The following GRID2 variants were observed in gnomAD, a reference collection of about 807,000 sequenced individuals.
GRID2 encodes glutamate ionotropic receptor delta type subunit 2, also known as glutamate receptor ionotropic, delta-2.
GRID2 carries 33 observed loss-of-function variants against 114.8 expected under a neutral mutation model. The observed-to-expected ratio is 0.29, with a 90% CI of 0.22 to 0.38. The LOEUF (loss-of-function observed/expected upper bound fraction) is 0.38, where lower values mean the gene tolerates loss of function less well. Ranked by LOEUF, GRID2 falls within the 10% of genes least tolerant of loss-of-function variation. The pLI is 1.00. For missense variants in GRID2, 1,184 were observed against 1,257.7 expected (o/e 0.94, Z 0.89); for synonymous variants, 505 against 449.9 (o/e 1.12, Z -1.55).
intron 2 of GRID2, among the ~76,000 whole-genome samples, chr4:92,960,378 A>G (rs898812250): frequency 2.0e-5 from 3 of 151,978 alleles, no homozygotes; most frequent in African/African-American, 7.2e-5. Flanking sequence ...TCCAAATATA[A>G]TAGCAGGTTT....
At chr4:92,608,417 C>G (rs530224441) in intron 2 of GRID2, among the ~76,000 whole-genome samples, 4 of 151,796 alleles carry the variant, frequency 2.6e-5, no homozygotes, top group Non-Finnish European at 5.9e-5. Flanking sequence ...GGTACAATGC[C>G]TCCACTGTGT....
At chr4:92,698,608 A>G (rs1734527838) in intron 2 of GRID2, among the ~76,000 whole-genome samples, 1 of 151,874 alleles carries the variant, frequency 6.6e-6, no homozygotes. Context: ...TTATTTTAGT[A>G]TTTCTGATAT....
intron 13 of GRID2, among the ~76,000 whole-genome samples, chr4:93,594,311 C>T (rs1482036780): frequency 2.0e-5 from 3 of 152,080 alleles, no homozygotes; most frequent in African/African-American, 4.8e-5. Context: ...GAGTACCCTG[C>T]AGTGTGAGGT....
At chr4:92,847,853 A>G (rs1743454104) in intron 2 of GRID2, among the ~76,000 whole-genome samples, 1 of 152,014 alleles carries the variant, frequency 6.6e-6, no homozygotes, top group South Asian at 2.1e-4. Flanking sequence ...ATACTAAAAT[A>G]CTTATATAAT....
At chr4:92,669,601 A>G (rs1732955257) in intron 2 of GRID2, among the ~76,000 whole-genome samples, 1 of 151,926 alleles carries the variant, frequency 6.6e-6, no homozygotes. Context: ...AAACTTGTGA[A>G]CAGCCGCCAG....
At chr4:93,185,827 G>A (rs1033564998) in intron 4 of GRID2, among the ~76,000 whole-genome samples, 8 of 151,942 alleles carry the variant, frequency 5.3e-5, no homozygotes, top group Non-Finnish European at 8.8e-5. Context: ...TACATGTGCC[G>A]TGTTGGTTTG....
intron 2 of GRID2, among the ~76,000 whole-genome samples, chr4:92,618,941 T>A (rs1302440689): frequency 6.6e-6 from 1 of 151,738 alleles, no homozygotes; most frequent in Admixed American, 6.6e-5. Context: ...TCCTTACATT[T>A]TTCTAGATCC....
At chr4:92,400,752 T>C (rs1310630807) in intron 1 of GRID2, among the ~76,000 whole-genome samples, 6 of 152,094 alleles carry the variant, frequency 3.9e-5, no homozygotes, top group Non-Finnish European at 7.4e-5. Context: ...TATTTCTCTT[T>C]ACCCTCACAA....
chr4:93,112,724 A>G (rs368804893), intron 4 of GRID2, among the ~76,000 whole-genome samples: 6 of 152,334 alleles, frequency 3.9e-5, no homozygotes, highest in African/African-American at 1.4e-4. Context: ...GAGGCTAGAA[A>G]TCTAAAATCA....
At chr4:93,564,389 T>C (rs1054470872) in intron 13 of GRID2, among the ~76,000 whole-genome samples, 4 of 152,028 alleles carry the variant, frequency 2.6e-5, no homozygotes, top group Non-Finnish European at 5.9e-5. Context: ...GGTTCAGTGG[T>C]CTTCTTTAGA....
At chr4:93,072,848 C>G (rs1728930869) in intron 2 of GRID2, among the ~76,000 whole-genome samples, 1 of 152,096 alleles carries the variant, frequency 6.6e-6, no homozygotes, top group Admixed American at 6.6e-5. Flanking sequence ...TCAAAACTTA[C>G]ACACACACTT....
At chr4:92,400,976 T>G (rs1730760005) in intron 1 of GRID2, among the ~76,000 whole-genome samples, 1 of 152,194 alleles carries the variant, frequency 6.6e-6, no homozygotes, top group Non-Finnish European at 1.5e-5. Context: ...GTTATTTAAA[T>G]AACCTCAATA....
intron 3 of GRID2, among the ~76,000 whole-genome samples, chr4:93,098,527 A>C (rs541940393): frequency 6.6e-6 from 1 of 152,144 alleles, no homozygotes; most frequent in Non-Finnish European, 1.5e-5. Context: ...TCGTCAGAAT[A>C]GAAAAATAGT....
chr4:93,353,325 A>G (rs1301173744), intron 8 of GRID2, among the ~76,000 whole-genome samples: 4 of 152,088 alleles, frequency 2.6e-5, no homozygotes, highest in Admixed American at 6.6e-5. Flanking sequence ...AAAATTAATC[A>G]TGTTTCCCCG....
chr4:93,422,869 G>T lies in GRID2; in HGVS notation c.1446G>T (p.Leu482=). ...IDVLDALSNY[L]GFNYEIYVAP... is the part of the protein sequence containing the mutation. ...TTTTGGATGCCTTATCTAACTACCT[G>T]GGTTTTAACTACGAAATTTACGTAG... is the stretch of plus-strand genomic sequence containing the variant. The change falls in exon 10 of 16, where the codon CTG becomes CTT. Residue 482 remains leucine (L), a synonymous_variant. Transcript: ENST00000282020. 6.2e-7 allele frequency: 1 copy of T among 1,613,136 alleles called. No individual in the cohort carries two copies. Among genetic ancestry groups the T allele is most frequent in the Non-Finnish European group, 8.5e-7 (1 of 1,179,212 alleles).
chr4:92,572,191 T>A (rs568496879), intron 1 of GRID2, among the ~76,000 whole-genome samples: 1 of 151,892 alleles, frequency 6.6e-6, no homozygotes, highest in East Asian at 1.9e-4. Context: ...TAAAAAATGA[T>A]AAAGGGGATA....
At chr4:93,127,083 G>T (rs956725288) in intron 4 of GRID2, among the ~76,000 whole-genome samples, 2 of 152,158 alleles carry the variant, frequency 1.3e-5, no homozygotes, top group South Asian at 2.1e-4. Flanking sequence ...AGATAGAACA[G>T]TATCTTAATT....
intron 1 of GRID2, among the ~76,000 whole-genome samples, chr4:92,510,198 T>C (rs115487853): frequency 2.0e-5 from 3 of 151,992 alleles, no homozygotes; most frequent in Non-Finnish European, 4.4e-5. Flanking sequence ...TCAGAATCTA[T>C]AGAACTTTCT....
At chr4:92,383,441 C>G (rs904401326) in intron 1 of GRID2, among the ~76,000 whole-genome samples, 2 of 151,940 alleles carry the variant, frequency 1.3e-5, no homozygotes. Context: ...TAATACATAC[C>G]TTTCAGCCCA....
Sources: gnomAD v4.1 joint callset for allele counts (sites outside exome capture counted in the v4.1 genomes callset) on GRCh38, gnomAD v4.1.1 for gene constraint, MANE v1.5 for transcripts, NCBI Gene and HGNC (gene_info 2026-07-23, HGNC 2026-07-21) for gene names.